The following PAICS variants were observed in gnomAD, a reference collection of about 807,000 sequenced individuals.
The protein encoded by PAICS is phosphoribosylaminoimidazole carboxylase and phosphoribosylaminoimidazolesuccinocarboxamide synthase, also known as bifunctional phosphoribosylaminoimidazole carboxylase/phosphoribosylaminoimidazole succinocarboxamide synthetase.
PAICS carries 33 observed loss-of-function variants against 53.7 expected under a neutral mutation model. That is an observed-to-expected ratio of 0.61 (90% CI 0.47 to 0.82). The LOEUF is 0.82. PAICS is among the 40% of genes least tolerant of loss of function. The probability of loss-of-function intolerance (pLI) is 0.00; values close to 1 mark genes in which losing one functional copy is unlikely to be tolerated. For synonymous variants in PAICS, 141 were observed against 167.2 expected (o/e 0.84, Z 1.21); for missense variants, 394 against 494.1 (o/e 0.80, Z 1.92).
chr4:56,453,681 C>T lies in PAICS; in HGVS notation c.1031C>T (p.Ala344Val). ...GGACCAGTGATGTCTGGGAACACTG[C>T]ATATCCAGTTATCAGCTGTCCTCCC... ...GLGPVMSGNT[A>V]YPVISCPPLT... Residue 344 changes from alanine to valine, a missense_variant, in exon 8 of 9, where the codon GCA becomes GTA. Physicochemically the swap from Ala to Val is moderately conservative, Grantham distance 64 (BLOSUM62 0). Coordinates refer to ENST00000512576, the MANE Select transcript of PAICS (RefSeq NM_001079524.2). The T allele has an allele frequency of 6.4e-7, 1 of 1,564,384 alleles. No individual in the cohort carries two copies. Among genetic ancestry groups the T allele is most frequent in the East Asian group, 2.3e-5 (1 of 43,074 alleles).
intron 8 of PAICS, among the ~76,000 whole-genome samples, chr4:56,455,141 A>G (rs1237050555): frequency 6.6e-6 from 1 of 152,124 alleles, no homozygotes; most frequent in African/African-American, 2.4e-5. Flanking sequence ...ACAGAGTGAG[A>G]CTCGGTCTCA....
At chr4:56,428,383 G>A in the PAICS span, among the ~76,000 whole-genome samples, 1 of 152,066 alleles carries the variant, frequency 6.6e-6, no homozygotes, top group African/African-American at 2.4e-5. Flanking sequence ...GCTTGAAGGG[G>A]CCACAAGAAA....
chr4:56,445,129 T>C (rs1211569282), intron 2 of PAICS, among the ~76,000 whole-genome samples: 1 of 152,160 alleles, frequency 6.6e-6, no homozygotes, highest in Non-Finnish European at 1.5e-5. Context: ...CAATTCTTTC[T>C]TTTTTTCATT....
chr4:56,419,887 G>A, the PAICS span: 9 of 984,828 alleles, frequency 9.1e-6, no homozygotes, highest in Non-Finnish European at 1.1e-5. Flanking sequence ...AAGATCGTAA[G>A]AACAGCTCAA....
At chr4:56,442,377 G>A (rs930428539) in intron 2 of PAICS, among the ~76,000 whole-genome samples, 3 of 152,126 alleles carry the variant, frequency 2.0e-5, no homozygotes, top group Middle Eastern at 3.2e-3. Context: ...ACCCCAGAGC[G>A]CCCTCCTGTT....
upstream of PAICS, chr4:56,436,186 A>T (rs1466895549): frequency 1.3e-6 from 2 of 1,510,886 alleles, no homozygotes; most frequent in Non-Finnish European, 1.8e-6. Flanking sequence ...CGGAGCTCGA[A>T]AAGAGTGGCG....
At position 56,448,840 on chromosome 4, in the gene PAICS, G is replaced by GT. The variant is rs199735757; in HGVS notation, c.687+24dup. On this transcript the variant is annotated intron_variant, in intron 5 of 8. Transcript: ENST00000512576. ...GACAAACAGGTAGATAATGCTTCAGGTTTTTTTATCCTTTTTGAGATCAAG... is the reference window on the plus strand; with the variant it reads ...GACAAACAGGTAGATAATGCTTCAGGTTTTTTTTATCCTTTTTGAGATCAAG... 0.013 allele frequency: 17,828 copies of GT among 1,330,736 alleles called. 205 individuals carry two copies. The highest frequency in any genetic ancestry group is 0.028 in the South Asian group (2,267 of 80,296). The allele number at this position is 1,330,736 out of a possible 1,614,324, so 82.4% of individuals were successfully genotyped here. A position where few individuals can be genotyped will look rare whatever the true frequency, so the allele number is the denominator to read the frequency against.
chr4:56,446,686 A>G lies in PAICS; in HGVS notation c.215-9A>G. 1.9e-6 allele frequency: 3 copies of G among 1,546,248 alleles called. No individual in the cohort carries two copies. Among genetic ancestry groups the G allele is most frequent in the South Asian group, 2.4e-5 (2 of 84,212 alleles). On this transcript the variant is annotated splice_polypyrimidine_tract_variant and intron_variant, in intron 2 of 8. Coordinates refer to ENST00000512576, the MANE Select transcript of PAICS (RefSeq NM_001079524.2). ...AATACCTTTTTTAACTTTGGTTATCAATATGTAGGTATTAAAACTGCCTTC... is the reference window on the plus strand; with the variant it reads ...AATACCTTTTTTAACTTTGGTTATCGATATGTAGGTATTAAAACTGCCTTC...
chr4:56,447,023 A>G (rs949067669), intron 3 of PAICS, 150 bp downstream of exon 3: 28 of 433,632 alleles, frequency 6.5e-5, no homozygotes, highest in African/African-American at 1.0e-4. Flanking sequence ...CTAGTTGCCA[A>G]TGTCAATAAT....
intron 2 of PAICS, among the ~76,000 whole-genome samples, chr4:56,442,746 TAG>T (rs1718405731): frequency 6.6e-6 from 1 of 152,236 alleles, no homozygotes; most frequent in Non-Finnish European, 1.5e-5. Context: ...TTTCATTTCT[TAG>T]AGTTTCTGGT....
the PAICS span, among the ~76,000 whole-genome samples, chr4:56,413,928 A>G: frequency 2.0e-5 from 3 of 152,152 alleles, no homozygotes; most frequent in Non-Finnish European, 4.4e-5. Flanking sequence ...ATAATTAACG[A>G]CTTAGGCTAA....
intron 1 of PAICS, among the ~76,000 whole-genome samples, chr4:56,438,044 C>G (rs538402314): frequency 2.1e-4 from 32 of 151,906 alleles, no homozygotes; most frequent in Non-Finnish European, 1.5e-4. Context: ...TTTATGGTCT[C>G]TAAAAGGCAA....
the PAICS span, among the ~76,000 whole-genome samples, chr4:56,427,276 T>A: frequency 0.014 from 2,086 of 152,338 alleles, 50 homozygotes; most frequent in African/African-American, 0.047. Flanking sequence ...TGGTAATTTG[T>A]GTTTAATTTT....
chr4:56,426,024 C>T, the PAICS span, among the ~76,000 whole-genome samples: 4 of 152,136 alleles, frequency 2.6e-5, no homozygotes, highest in Non-Finnish European at 5.9e-5. Context: ...CCAACTAAAG[C>T]GTATAACTGT....
the PAICS span, among the ~76,000 whole-genome samples, chr4:56,418,315 TTTATTTTATTTTATC>T: frequency 6.6e-6 from 1 of 151,972 alleles, no homozygotes; most frequent in African/African-American, 2.4e-5. Context: ...AAAAACTTAT[TTTATTTTATTTTATC>T]TTATTTTGAG....
At chr4:56,424,201 A>G in the PAICS span, among the ~76,000 whole-genome samples, 1 of 152,236 alleles carries the variant, frequency 6.6e-6, no homozygotes, top group African/African-American at 2.4e-5. Context: ...AATGTATGCT[A>G]TAAGCCATAA....
At chr4:56,430,001 A>G in the PAICS span, among the ~76,000 whole-genome samples, 10 of 152,290 alleles carry the variant, frequency 6.6e-5, no homozygotes, top group African/African-American at 2.2e-4. Flanking sequence ...GCTCAGGTCT[A>G]TAATTCCAGC....
chr4:56,414,471 C>T, the PAICS span, among the ~76,000 whole-genome samples: 1 of 152,212 alleles, frequency 6.6e-6, no homozygotes, highest in African/African-American at 2.4e-5. Context: ...GCTGCCAAAC[C>T]ACATTCCTTC....
intron 5 of PAICS, among the ~76,000 whole-genome samples, chr4:56,449,381 G>A (rs1255822902): frequency 2.0e-5 from 3 of 152,194 alleles, no homozygotes; most frequent in Non-Finnish European, 4.4e-5. Context: ...ATGCTGGAGA[G>A]GCTATGAAGA....
Sources: gnomAD v4.1 joint callset for allele counts (sites outside exome capture counted in the v4.1 genomes callset) on GRCh38, gnomAD v4.1.1 for gene constraint, MANE v1.5 for transcripts, NCBI Gene and HGNC (gene_info 2026-07-23, HGNC 2026-07-21) for gene names.